TJP1: variants seen among roughly 807,000 people sequenced by gnomAD.
The protein encoded by TJP1 is tight junction protein 1, also known as tight junction protein ZO-1.
TJP1 carries 43 observed loss-of-function variants against 194.2 expected under a neutral mutation model. That is an observed-to-expected ratio of 0.22 (90% CI 0.17 to 0.29). The LOEUF is 0.29. Ranked by LOEUF, TJP1 falls within the 10% of genes least tolerant of loss-of-function variation. The pLI, the probability that TJP1 is intolerant of heterozygous loss-of-function variation, is 1.00. For synonymous variants in TJP1, 801 were observed against 779.0 expected (o/e 1.03, Z -0.47); for missense variants, 1,971 against 2,185.7 (o/e 0.90, Z 1.96).
At chr15:29,919,646 G>A (rs1335817626) in intron 2 of TJP1, among the ~76,000 whole-genome samples, 1 of 152,202 alleles carries the variant, frequency 6.6e-6, no homozygotes, top group Non-Finnish European at 1.5e-5. Flanking sequence ...TGCAGTGAGG[G>A]AGAGAGCCCT....
At chr15:29,758,086 G>A (rs950656266) in intron 8 of TJP1, among the ~76,000 whole-genome samples, 1 of 152,108 alleles carries the variant, frequency 6.6e-6, no homozygotes, top group African/African-American at 2.4e-5. Flanking sequence ...CTTACTTTAA[G>A]AATACTGAAT....
chr15:29,926,614 GAA>G (rs56803797), intron 2 of TJP1, among the ~76,000 whole-genome samples: 18 of 113,986 alleles, frequency 1.6e-4, no homozygotes, highest in Admixed American at 7.3e-4. Flanking sequence ...CTCCATTTCA[GAA>G]AAAAAAAAAA....
In TJP1 at chr15:29,761,021, GATCTA is replaced by G. The variant is rs2045967171; in HGVS notation, c.1010+113_1010+117del. On this transcript the variant is annotated intron_variant, in intron 8 of 27. Transcript: ENST00000614355. ...AAAAATGTCTAAGTTGAGAAAAACA[GATCTA>G]ATCTTGAATAATCAAAAGAAATACA... 3 of 1,249,976 alleles carry G rather than the reference GATCTA, an allele frequency of 2.4e-6. No individual in the cohort carries two copies. In the South Asian group the frequency reaches 5.4e-5, roughly 23 times the overall value. 77.4% of individuals were successfully genotyped at this position (1,249,976 alleles called of 1,614,324 possible).
Position 29,705,686 on chromosome 15 carries a change from C to T in TJP1, c.4910G>A (p.Arg1637Gln), listed in dbSNP as rs766699520. The change falls in exon 26 of 28, where the codon CGA becomes CAA. Residue 1637 changes from arginine to glutamine, a missense_variant. This residue lies in a region of TJP1 where 1,108 missense variants were observed against 1,128.5 expected (regional missense o/e 0.98). Coordinates refer to ENST00000614355, the MANE Select transcript of TJP1 (RefSeq NM_001330239.4). Reference sequence around the variant, plus strand: ...GCCCCCATTGCTGTTAAATATGCCTCGGGCTGTGGCCACCACAGTATGACC... The same window carrying T: ...GCCCCCATTGCTGTTAAATATGCCTTGGGCTGTGGCCACCACAGTATGACC... Reference protein sequence around the residue: ...EDGHTVVATARGIFNSNGGVL... With the variant: ...EDGHTVVATAQGIFNSNGGVL... 1.2e-5 allele frequency: 19 copies of T among 1,614,010 alleles called. No individual in the cohort carries two copies. Among genetic ancestry groups the T allele is most frequent in the Admixed American group, 3.3e-5 (2 of 59,992 alleles).
chr15:29,813,043 A>G (rs1168268638), intron 1 of TJP1, among the ~76,000 whole-genome samples: 8 of 152,238 alleles, frequency 5.3e-5, no homozygotes, highest in East Asian at 1.9e-4. Flanking sequence ...CCTTTATATG[A>G]CATTACCAGG....
chr15:29,833,399 T>A (rs958330463), intron 2 of TJP1, among the ~76,000 whole-genome samples: 4 of 152,002 alleles, frequency 2.6e-5, no homozygotes, highest in African/African-American at 9.7e-5. Context: ...AATTGGAAAA[T>A]TTTTTGTTTT....
intron 2 of TJP1, among the ~76,000 whole-genome samples, chr15:29,954,672 T>C (rs2055873053): frequency 1.3e-5 from 2 of 152,178 alleles, no homozygotes; most frequent in African/African-American, 2.4e-5. Context: ...TTATGTCTTG[T>C]GTCATAAAAG....
intron 2 of TJP1, among the ~76,000 whole-genome samples, chr15:29,923,336 G>T (rs2054425317): frequency 1.3e-5 from 2 of 152,164 alleles, no homozygotes; most frequent in African/African-American, 4.8e-5. Context: ...ATGTAAGGAT[G>T]CTGGAGAAAG....
intron 2 of TJP1, among the ~76,000 whole-genome samples, chr15:29,781,069 A>G (rs908007787): frequency 6.6e-6 from 1 of 152,118 alleles, no homozygotes; most frequent in East Asian, 1.9e-4. Context: ...TTTTGAAAAA[A>G]AATCAGTAAG....
intron 2 of TJP1, among the ~76,000 whole-genome samples, chr15:29,848,590 G>A (rs919945537): frequency 6.6e-6 from 1 of 152,184 alleles, no homozygotes; most frequent in Non-Finnish European, 1.5e-5. Flanking sequence ...GGCTGGGCAT[G>A]GTGGCTCACG....
At chr15:29,839,696 G>A (rs1008713903) in intron 2 of TJP1, among the ~76,000 whole-genome samples, 5 of 152,286 alleles carry the variant, frequency 3.3e-5, no homozygotes, top group Middle Eastern at 3.4e-3. Flanking sequence ...CCGTGAAACT[G>A]TTATGAACAT....
chr15:29,769,420 T>C (rs368426320), intron 4 of TJP1, among the ~76,000 whole-genome samples: 25 of 152,318 alleles, frequency 1.6e-4, no homozygotes, highest in African/African-American at 5.5e-4. Context: ...CCTTTGACTC[T>C]GAAAAGTCAC....
chr15:29,894,929 C>A (rs2053429267), intron 2 of TJP1, among the ~76,000 whole-genome samples: 1 of 152,192 alleles, frequency 6.6e-6, no homozygotes, highest in Non-Finnish European at 1.5e-5. Flanking sequence ...AGCTGAGGAT[C>A]CCTGCCCTAG....
In TJP1 at chr15:29,701,447, C is replaced by T. The variant is rs919209221; in HGVS notation, c.*148G>A. On this transcript the variant is annotated 3_prime_UTR_variant, in exon 28 of 28. Coordinates refer to ENST00000614355, the MANE Select transcript of TJP1 (RefSeq NM_001330239.4). ...TTTCCGACCATGGTTCAGGGGCATG[C>T]TCACTCATCTTTATCAGTTCAAACA... The T allele has an allele frequency of 1.8e-5, 11 of 612,220 alleles. No individual in the cohort carries two copies. The Admixed American group carries it at 2.9e-4, about 16-fold the overall frequency. The allele number at this position is 612,220 out of a possible 1,614,324, so 37.9% of individuals were successfully genotyped here. A position where few individuals can be genotyped will look rare whatever the true frequency, so the allele number is the denominator to read the frequency against.
intron 1 of TJP1, among the ~76,000 whole-genome samples, chr15:29,815,557 G>A (rs1438155421): frequency 6.6e-6 from 1 of 152,192 alleles, no homozygotes; most frequent in Non-Finnish European, 1.5e-5. Context: ...TGCTGAGCAC[G>A]TGAATGCTTT....
intron 2 of TJP1, among the ~76,000 whole-genome samples, chr15:29,859,447 T>C (rs2051989393): frequency 6.6e-6 from 1 of 152,216 alleles, no homozygotes; most frequent in Non-Finnish European, 1.5e-5. Flanking sequence ...TCTTGGACTC[T>C]GACCCCGCAG....
intron 2 of TJP1, among the ~76,000 whole-genome samples, chr15:29,906,738 C>A (rs953572690): frequency 3.3e-5 from 5 of 151,574 alleles, no homozygotes; most frequent in African/African-American, 9.7e-5. Context: ...TATCACCACA[C>A]CCAACTAATT....
intron 2 of TJP1, among the ~76,000 whole-genome samples, chr15:29,896,064 C>A (rs920362585): frequency 6.6e-6 from 1 of 152,156 alleles, no homozygotes; most frequent in Non-Finnish European, 1.5e-5. Context: ...TCCAAAAAGG[C>A]CCCATCTCCT....
intron 2 of TJP1, among the ~76,000 whole-genome samples, chr15:29,912,958 A>C (rs1478849873): frequency 1.3e-5 from 2 of 152,258 alleles, no homozygotes; most frequent in Admixed American, 1.3e-4. Context: ...GCAGGATTGC[A>C]GGAAGCAGAG....
Sources: gnomAD v4.1 joint callset for allele counts (sites outside exome capture counted in the v4.1 genomes callset) on GRCh38, gnomAD v4.1.1 for gene constraint, gnomAD v4.1.1 regional missense constraint, MANE v1.5 for transcripts, NCBI Gene and HGNC (gene_info 2026-07-23, HGNC 2026-07-21) for gene names.